The following ATXN1 variants were observed in gnomAD, a reference collection of about 807,000 sequenced individuals.
The protein encoded by ATXN1 is ataxin 1.
A neutral mutation model predicts 56.4 loss-of-function variants in ATXN1; 8 were observed. That is an observed-to-expected ratio of 0.14 (90% CI 0.08 to 0.26). The LOEUF (loss-of-function observed/expected upper bound fraction) is 0.26, where lower values mean the gene tolerates loss of function less well. ATXN1 is among the 10% of genes least tolerant of loss of function. The probability of loss-of-function intolerance (pLI) is 1.00; values close to 1 mark genes in which losing one functional copy is unlikely to be tolerated. For missense variants in ATXN1, 987 were observed against 1,106.5 expected (o/e 0.89, Z 1.53); for synonymous variants, 514 against 494.6 (o/e 1.04, Z -0.52).
rs1278739610 is a variant in ATXN1, at chr6:16,302,760, A to AAAAC, written c.*3565_*3568dup. 1 of 152,660 alleles carries AAAAC rather than the reference A, an allele frequency of 6.6e-6. No individual in the cohort carries two copies. The highest frequency in any genetic ancestry group is 1.5e-5 in the Non-Finnish European group (1 of 68,054). 9.5% of individuals were successfully genotyped at this position (152,660 alleles called of 1,614,324 possible). On this transcript the variant is annotated 3_prime_UTR_variant, in exon 8 of 8. Transcript: ENST00000436367. ...CCTGCTGTTACTAGTTTAAAAATGG[A>AAAAC]AAACAGGAAAGAAAGAACAAAAGAC... is the stretch of plus-strand genomic sequence containing the variant.
intron 6 of ATXN1, among the ~76,000 whole-genome samples, chr6:16,483,065 C>A (rs1204498588): frequency 6.6e-6 from 1 of 152,160 alleles, no homozygotes; most frequent in Non-Finnish European, 1.5e-5. Context: ...CAGCATTGTG[C>A]ATAAAATCCA....
chr6:16,312,607 T>C (rs1311911698), intron 7 of ATXN1, among the ~76,000 whole-genome samples: 1 of 152,192 alleles, frequency 6.6e-6, no homozygotes, highest in Admixed American at 6.5e-5. Context: ...TCCCAGCACT[T>C]TGGGAGGCCG....
intron 3 of ATXN1, among the ~76,000 whole-genome samples, chr6:16,619,362 C>T (rs910192189): frequency 1.3e-5 from 2 of 152,026 alleles, no homozygotes; most frequent in Admixed American, 6.6e-5. Context: ...CATCACTAAA[C>T]GATAGCACAA....
chr6:16,394,211 G>C (rs1403859704), intron 6 of ATXN1, among the ~76,000 whole-genome samples: 1 of 152,098 alleles, frequency 6.6e-6, no homozygotes, highest in Non-Finnish European at 1.5e-5. Context: ...ACCTCAACCT[G>C]TGATTATGGA....
chr6:16,585,790 T>C lies in ATXN1; in HGVS notation c.-371A>G, dbSNP rs1762610141. 6.6e-6 allele frequency: 1 copy of C among 152,244 alleles called. No homozygotes were observed. The highest frequency in any genetic ancestry group is 2.1e-4 in the South Asian group (1 of 4,830). 9.4% of individuals were successfully genotyped at this position (152,244 alleles called of 1,614,324 possible). On this transcript the variant is annotated 5_prime_UTR_variant, in exon 4 of 8. Transcript: ENST00000436367. The stretch of plus-strand genomic sequence containing the variant: ...TTTGGAGATGTTTACCTGTACCATG[T>C]GCTTTCATCACAATGGAGAACCATA...
At chr6:16,378,018 C>T (rs1339550026) in intron 6 of ATXN1, among the ~76,000 whole-genome samples, 1 of 152,218 alleles carries the variant, frequency 6.6e-6, no homozygotes, top group East Asian at 1.9e-4. Flanking sequence ...GCAAGGAGGG[C>T]CATCTCGGGC....
At chr6:16,457,908 T>C (rs532631717) in intron 6 of ATXN1, among the ~76,000 whole-genome samples, 1 of 152,290 alleles carries the variant, frequency 6.6e-6, no homozygotes, top group East Asian at 1.9e-4. Flanking sequence ...GAGGGGAATT[T>C]GGCCCAACAT....
At chr6:16,687,152 G>T (rs1248990570) in intron 2 of ATXN1, among the ~76,000 whole-genome samples, 2 of 152,168 alleles carry the variant, frequency 1.3e-5, no homozygotes, top group East Asian at 3.8e-4. Context: ...ATGCTCAATT[G>T]AAAGTACCAT....
chr6:16,583,998 C>A (rs1050655341), intron 4 of ATXN1, among the ~76,000 whole-genome samples: 1 of 151,628 alleles, frequency 6.6e-6, no homozygotes, highest in Non-Finnish European at 1.5e-5. Context: ...GGAGTTTTAA[C>A]GATTTTAAAC....
rs141592840 is a variant in ATXN1, at chr6:16,537,961, G to C, written c.-360-15273C>G. On this transcript the variant is annotated intron_variant, in intron 4 of 7. Coordinates refer to ENST00000436367, the MANE Select transcript of ATXN1 (RefSeq NM_001128164.2). ...CTACTAAAAATACAAAAATTAGCCA[G>C]GCATGGTGGCAGATGCCTGTAATCT... Among the ~76,000 whole-genome samples the C allele has an allele frequency of 5.6e-4, 86 of 152,268 alleles. No homozygotes were observed. The East Asian group carries it at 0.014, about 25-fold the overall frequency.
chr6:16,550,162 A>T (rs935758122), intron 4 of ATXN1, among the ~76,000 whole-genome samples: 1 of 151,192 alleles, frequency 6.6e-6, no homozygotes, highest in African/African-American at 2.4e-5. Context: ...ATACAAAAAA[A>T]AAAAAAAAAA....
chr6:16,350,185 T>A (rs780185352), intron 6 of ATXN1, among the ~76,000 whole-genome samples: 25 of 152,220 alleles, frequency 1.6e-4, no homozygotes, highest in Non-Finnish European at 3.4e-4. Flanking sequence ...ACAACAAAGC[T>A]CATTTTCTAT....
chr6:16,691,262 T>C (rs1227010700), intron 2 of ATXN1, among the ~76,000 whole-genome samples: 1 of 152,262 alleles, frequency 6.6e-6, no homozygotes, highest in Non-Finnish European at 1.5e-5. Context: ...GAGCTCTGTC[T>C]GTCTTGTTCA....
At chr6:16,642,342 C>G (rs1170475985) in intron 3 of ATXN1, among the ~76,000 whole-genome samples, 1 of 152,144 alleles carries the variant, frequency 6.6e-6, no homozygotes, top group Admixed American at 6.5e-5. Flanking sequence ...TTGCAGTGAG[C>G]CGAGATCGCG....
chr6:16,457,374 G>C (rs538654665), intron 6 of ATXN1, among the ~76,000 whole-genome samples: 3 of 151,376 alleles, frequency 2.0e-5, no homozygotes, highest in African/African-American at 7.3e-5. Flanking sequence ...GGGTTCTTGG[G>C]CAGGGAGAAG....
At chr6:16,715,046 A>C (rs1255578178) in intron 2 of ATXN1, among the ~76,000 whole-genome samples, 1 of 151,898 alleles carries the variant, frequency 6.6e-6, no homozygotes, top group Non-Finnish European at 1.5e-5. Flanking sequence ...TCCTTCCCTA[A>C]CCTATCCCCT....
chr6:16,621,364 G>T (rs1763316749), intron 3 of ATXN1, among the ~76,000 whole-genome samples: 1 of 152,186 alleles, frequency 6.6e-6, no homozygotes, highest in Admixed American at 6.5e-5. Flanking sequence ...TAAAGTCTTT[G>T]TATATGCAAA....
chr6:16,596,567 G>T (rs991318944), intron 3 of ATXN1, among the ~76,000 whole-genome samples: 1 of 152,166 alleles, frequency 6.6e-6, no homozygotes, highest in Non-Finnish European at 1.5e-5. Flanking sequence ...CACGTTAAAA[G>T]TGTGTTGGGC....
intron 2 of ATXN1, among the ~76,000 whole-genome samples, chr6:16,663,651 TTTATTTATTTATTTA>T (rs1254951658): frequency 6.1e-5 from 1 of 16,418 alleles, no homozygotes; most frequent in African/African-American, 1.7e-3. Context: ...TAATTTTTTA[TTTATTTATTTATTTA>T]TTTATTTATT....
Sources: gnomAD v4.1 joint callset for allele counts (sites outside exome capture counted in the v4.1 genomes callset) on GRCh38, gnomAD v4.1.1 for gene constraint, MANE v1.5 for transcripts, NCBI Gene and HGNC (gene_info 2026-07-23, HGNC 2026-07-21) for gene names.